Variants in PPARG observed in about 807,000 individuals in gnomAD.
PPARG encodes peroxisome proliferator activated receptor gamma.
PPARG carries 17 observed loss-of-function variants against 39.2 expected under a neutral mutation model. That is an observed-to-expected ratio of 0.43 (90% CI 0.30 to 0.65). The LOEUF is 0.65. Among genes scored for constraint, PPARG ranks in the 30% least tolerant of loss-of-function variants. PPARG has a pLI of 0.13. For missense variants in PPARG, 406 were observed against 585.9 expected, an observed-to-expected ratio of 0.69 and a Z score of 3.17; for synonymous variants, 223 against 215.7, an observed-to-expected ratio of 1.03 and a Z score of -0.30.
chr3:12,330,302 TAA>T (rs67976990), intron 2 of PPARG, among the ~76,000 whole-genome samples: 30 of 121,048 alleles, frequency 2.5e-4, no homozygotes, highest in East Asian at 2.5e-4. Flanking sequence ...CACCTTTTTT[TAA>T]AAAAAAAAAA....
At chr3:12,374,873 T>G (rs1423428900) in intron 2 of PPARG, among the ~76,000 whole-genome samples, 2 of 152,136 alleles carry the variant, frequency 1.3e-5, no homozygotes, top group African/African-American at 2.4e-5. Flanking sequence ...AAGGCTACTA[T>G]GAAAAGCAAA....
intron 5 of PPARG, among the ~76,000 whole-genome samples, chr3:12,396,757 C>CA (rs1208855424): frequency 0.051 from 2,848 of 55,708 alleles, 53 homozygotes; most frequent in South Asian, 0.073. Flanking sequence ...GACCCAGTCT[C>CA]AAAAAAAAAA....
At chr3:12,425,921 G>A (rs1408963859) in intron 7 of PPARG, among the ~76,000 whole-genome samples, 1 of 152,190 alleles carries the variant, frequency 6.6e-6, no homozygotes, top group Non-Finnish European at 1.5e-5. Flanking sequence ...AAATGACAGA[G>A]CCCATGCTCA....
At chr3:12,397,480 G>A (rs2050309760) in intron 5 of PPARG, among the ~76,000 whole-genome samples, 1 of 150,274 alleles carries the variant, frequency 6.7e-6, no homozygotes, top group Non-Finnish European at 1.5e-5. Flanking sequence ...GCGCGATCTA[G>A]GCTCACTGCA....
intron 6 of PPARG, among the ~76,000 whole-genome samples, chr3:12,414,854 T>C (rs2051005234): frequency 6.6e-6 from 1 of 152,212 alleles, no homozygotes; most frequent in South Asian, 2.1e-4. Flanking sequence ...TGCTAAGTAG[T>C]ACAGTTGAAG....
At chr3:12,376,493 T>A (rs2049415703) in intron 2 of PPARG, among the ~76,000 whole-genome samples, 1 of 152,142 alleles carries the variant, frequency 6.6e-6, no homozygotes, top group South Asian at 2.1e-4. Context: ...TCCATAAGCC[T>A]GTTTCATCAA....
At chr3:12,383,112 A>G (rs2049743344) in intron 4 of PPARG, among the ~76,000 whole-genome samples, 1 of 152,214 alleles carries the variant, frequency 6.6e-6, no homozygotes, top group Non-Finnish European at 1.5e-5. Context: ...CAGCTCTGCC[A>G]CTTTCCAAAG....
At chr3:12,372,691 T>C (rs930517968) in intron 2 of PPARG, among the ~76,000 whole-genome samples, 34 of 152,372 alleles carry the variant, frequency 2.2e-4, no homozygotes, top group African/African-American at 7.9e-4. Context: ...TTTTACAATT[T>C]AGCATCTTTT....
chr3:12,402,783 G>T (rs1444115825), intron 5 of PPARG, among the ~76,000 whole-genome samples: 1 of 152,062 alleles, frequency 6.6e-6, no homozygotes, highest in African/African-American at 2.4e-5. Context: ...CCTCAATTAG[G>T]AACTACTGGT....
intron 3 of PPARG, among the ~76,000 whole-genome samples, 173 bp from the exon 4 acceptor site, chr3:12,381,149 T>C (rs1054648916): frequency 2.0e-5 from 3 of 152,136 alleles, no homozygotes; most frequent in Admixed American, 6.5e-5. Flanking sequence ...TTGCCTGTGA[T>C]TACAAACCTT....
intron 2 of PPARG, among the ~76,000 whole-genome samples, chr3:12,342,486 A>G (rs1169598979): frequency 6.6e-6 from 1 of 152,244 alleles, no homozygotes; most frequent in African/African-American, 2.4e-5. Context: ...ATTGTTTGAA[A>G]TGAAAATGTA....
rs1364613522 is a variant in PPARG, at chr3:12,416,830, C to A, written c.856C>A (p.Arg286Ser). The change falls in exon 7 of 8, where the codon CGC becomes AGC. Residue 286 changes from arginine to serine, a missense_variant. Physicochemically the swap from Arg to Ser is moderately radical, Grantham distance 110. This residue lies in a region of PPARG where 275 missense variants were observed against 458.0 expected (regional missense o/e 0.60). Coordinates refer to ENST00000651735, the MANE Select transcript of PPARG (RefSeq NM_138711.6). ...AIRIFQGCQF[R>S]SVEAVQEITE... ...CCGCATCTTTCAGGGCTGCCAGTTT[C>A]GCTCCGTGGAGGCTGTGCAGGAGAT... 6.2e-7 allele frequency: 1 copy of A among 1,614,020 alleles called. No individual in the cohort carries two copies. Among genetic ancestry groups the A allele is most frequent in the African/African-American group, 1.3e-5 (1 of 74,932 alleles).
At chr3:12,312,757 C>T (rs2047283965) in intron 2 of PPARG, among the ~76,000 whole-genome samples, 1 of 151,998 alleles carries the variant, frequency 6.6e-6, no homozygotes, top group African/African-American at 2.4e-5. Flanking sequence ...GTAATAATTA[C>T]ATTATTTTAG....
chr3:12,337,453 G>T (rs912193322), intron 2 of PPARG, among the ~76,000 whole-genome samples: 1 of 152,160 alleles, frequency 6.6e-6, no homozygotes. Flanking sequence ...CAAAGGTTAG[G>T]CTGATTCTGA....
At chr3:12,382,848 G>A (rs960557625) in intron 4 of PPARG, among the ~76,000 whole-genome samples, 2 of 152,148 alleles carry the variant, frequency 1.3e-5, no homozygotes, top group Admixed American at 1.3e-4. Context: ...GCACATGCCT[G>A]TAGTCCTAGC....
intron 7 of PPARG, among the ~76,000 whole-genome samples, chr3:12,429,470 C>T (rs1173016705): frequency 1.3e-5 from 2 of 148,314 alleles, no homozygotes; most frequent in Admixed American, 1.4e-4. Flanking sequence ...GTCATCCCAG[C>T]ACTTTGAGGG....
intron 2 of PPARG, among the ~76,000 whole-genome samples, chr3:12,328,887 C>T (rs951103129): frequency 3.9e-5 from 6 of 152,204 alleles, no homozygotes; most frequent in African/African-American, 1.2e-4. Context: ...AGATTCCTTT[C>T]CCTGCCTTCT....
At chr3:12,376,311 T>C (rs1272493592) in intron 2 of PPARG, among the ~76,000 whole-genome samples, 2 of 152,068 alleles carry the variant, frequency 1.3e-5, no homozygotes, top group African/African-American at 4.8e-5. Context: ...CATGCAAAAG[T>C]TTGCCTTTGG....
intron 2 of PPARG, among the ~76,000 whole-genome samples, chr3:12,324,811 T>G (rs1007889134): frequency 2.0e-5 from 3 of 152,170 alleles, no homozygotes; most frequent in African/African-American, 7.2e-5. Flanking sequence ...TCCTTTTTCC[T>G]CTTATTAAAA....
Sources: gnomAD v4.1 joint callset for allele counts (sites outside exome capture counted in the v4.1 genomes callset) on GRCh38, gnomAD v4.1.1 for gene constraint, gnomAD v4.1.1 regional missense constraint, MANE v1.5 for transcripts, NCBI Gene and HGNC (gene_info 2026-07-23, HGNC 2026-07-21) for gene names.